Variants in ENTREP2 observed in about 807,000 individuals in gnomAD.
The protein encoded by ENTREP2 is endosomal transmembrane epsin interactor 2.
the ENTREP2 span, among the ~76,000 whole-genome samples, chr15:29,288,002 C>A: frequency 6.6e-6 from 1 of 152,160 alleles, no homozygotes. Context: ...GGGGAAGGGA[C>A]TGTCTTTTGA....
chr15:29,423,209 C>T, the ENTREP2 span, among the ~76,000 whole-genome samples: 3 of 152,130 alleles, frequency 2.0e-5, no homozygotes, highest in Non-Finnish European at 2.9e-5. Context: ...ACTCAGAATA[C>T]ACATTTAACA....
chr15:29,393,018 G>GT, the ENTREP2 span, among the ~76,000 whole-genome samples: 1 of 152,114 alleles, frequency 6.6e-6, no homozygotes, highest in African/African-American at 2.4e-5. Flanking sequence ...ATTTCCAAAT[G>GT]TAACTATTTA....
At chr15:29,653,863 CT>C in the ENTREP2 span, among the ~76,000 whole-genome samples, 1 of 151,992 alleles carries the variant, frequency 6.6e-6, no homozygotes, top group South Asian at 2.1e-4. Context: ...CATTTTCCAT[CT>C]AAGAGTGTAA....
At chr15:29,391,147 C>A in the ENTREP2 span, among the ~76,000 whole-genome samples, 1 of 151,928 alleles carries the variant, frequency 6.6e-6, no homozygotes, top group East Asian at 1.9e-4. Context: ...AGAAGGCTCA[C>A]GAGGCATGCA....
the ENTREP2 span, among the ~76,000 whole-genome samples, chr15:29,420,047 C>T: frequency 1.1e-3 from 163 of 152,194 alleles, 1 homozygote; most frequent in African/African-American, 3.7e-3. Flanking sequence ...ACTGATTTAG[C>T]CAAATTAAGA....
At chr15:29,503,268 A>G in the ENTREP2 span, among the ~76,000 whole-genome samples, 12 of 152,290 alleles carry the variant, frequency 7.9e-5, no homozygotes, top group African/African-American at 2.9e-4. Context: ...CACAAAAAGG[A>G]AGTGCTATTG....
At chr15:29,123,412 C>T in the ENTREP2 span, 47 of 1,550,932 alleles carry the variant, frequency 3.0e-5, no homozygotes, top group East Asian at 9.8e-5. Context: ...GACAGCCAAG[C>T]GCATGGCACC....
the ENTREP2 span, among the ~76,000 whole-genome samples, chr15:29,553,132 C>A: frequency 6.6e-6 from 1 of 152,168 alleles, no homozygotes; most frequent in South Asian, 2.1e-4. Flanking sequence ...CCCGTCTCTA[C>A]TAAAAATACA....
At chr15:29,261,592 C>A in the ENTREP2 span, among the ~76,000 whole-genome samples, 2 of 152,180 alleles carry the variant, frequency 1.3e-5, no homozygotes, top group Admixed American at 1.3e-4. Context: ...CAAAAGCTAA[C>A]CACATATTAG....
At chr15:29,260,717 A>G in the ENTREP2 span, among the ~76,000 whole-genome samples, 1 of 151,620 alleles carries the variant, frequency 6.6e-6, no homozygotes, top group Admixed American at 6.6e-5. Flanking sequence ...GATTATCCAC[A>G]TATTGAATCT....
chr15:29,174,916 T>C, the ENTREP2 span, among the ~76,000 whole-genome samples: 1 of 152,158 alleles, frequency 6.6e-6, no homozygotes, highest in African/African-American at 2.4e-5. Flanking sequence ...TATAAGCACA[T>C]AGGTAATGCA....
At chr15:29,175,706 G>A in the ENTREP2 span, among the ~76,000 whole-genome samples, 1 of 152,234 alleles carries the variant, frequency 6.6e-6, no homozygotes, top group Non-Finnish European at 1.5e-5. Context: ...CCAGGTTCAA[G>A]TGATTCTCCT....
At chr15:29,365,797 C>T in the ENTREP2 span, among the ~76,000 whole-genome samples, 6 of 151,824 alleles carry the variant, frequency 4.0e-5, no homozygotes, top group East Asian at 2.0e-4. Context: ...AACCTAAACA[C>T]GCTTTACTTG....
At chr15:29,389,416 C>G in the ENTREP2 span, among the ~76,000 whole-genome samples, 8 of 151,972 alleles carry the variant, frequency 5.3e-5, no homozygotes, top group Non-Finnish European at 8.8e-5. Flanking sequence ...CTTCCCTCCC[C>G]ACACCCCTCC....
chr15:29,472,495 C>T, the ENTREP2 span, among the ~76,000 whole-genome samples: 3 of 151,134 alleles, frequency 2.0e-5, no homozygotes, highest in African/African-American at 4.9e-5. Context: ...GACGGAGTCT[C>T]GCTCTGTTGC....
At chr15:29,227,284 T>C in the ENTREP2 span, among the ~76,000 whole-genome samples, 3 of 152,218 alleles carry the variant, frequency 2.0e-5, no homozygotes, top group African/African-American at 4.8e-5. Context: ...AGAACCCTCA[T>C]GGCTCTGCCA....
chr15:29,534,106 CAAAAAAAAAAA>C, the ENTREP2 span, among the ~76,000 whole-genome samples: 18 of 44,938 alleles, frequency 4.0e-4, no homozygotes, highest in East Asian at 2.7e-3. Flanking sequence ...GCCCCTTGGC[CAAAAAAAAAAA>C]AAAAAAAAAA....
chr15:29,658,914 C>T, the ENTREP2 span, among the ~76,000 whole-genome samples: 1 of 152,156 alleles, frequency 6.6e-6, no homozygotes, highest in Non-Finnish European at 1.5e-5. Flanking sequence ...GATAAACAAC[C>T]AAGAGGTGAT....
At chr15:29,462,223 TA>T in the ENTREP2 span, among the ~76,000 whole-genome samples, 1,105 of 152,326 alleles carry the variant, frequency 7.3e-3, 11 homozygotes, top group African/African-American at 0.025. Flanking sequence ...GCTGTGCAAA[TA>T]TCTCTTTGAG....
Sources: allele counts gnomAD v4.1 joint callset (sites outside exome capture counted in the v4.1 genomes callset), GRCh38; gene constraint gnomAD v4.1.1; transcripts MANE v1.5; gene names NCBI Gene and HGNC (gene_info 2026-07-23, HGNC 2026-07-21).